FOXO1: variants seen among roughly 807,000 people sequenced by gnomAD.
FOXO1 encodes the protein forkhead box O1.
A neutral mutation model predicts 44.1 loss-of-function variants in FOXO1; 6 were observed. The ratio of observed to expected loss-of-function variants is 0.14; its 90% CI spans 0.07 to 0.27. The LOEUF is 0.27. Among genes scored for constraint, FOXO1 ranks in the 10% least tolerant of loss-of-function variants. The pLI, the probability that FOXO1 is intolerant of heterozygous loss-of-function variation, is 1.00. For synonymous variants in FOXO1, 380 were observed against 362.7 expected, an observed-to-expected ratio of 1.05 and a Z score of -0.54; for missense variants, 737 against 888.8, an observed-to-expected ratio of 0.83 and a Z score of 2.17.
intron 1 of FOXO1, among the ~76,000 whole-genome samples, chr13:40,623,255 A>C (rs1472646771): frequency 1.3e-5 from 2 of 152,184 alleles, no homozygotes; most frequent in Non-Finnish European, 2.9e-5. Context: ...AGGCTGCTCT[A>C]TGAACACAGG....
At chr13:40,629,516 T>C (rs1482808195) in intron 1 of FOXO1, among the ~76,000 whole-genome samples, 1 of 152,218 alleles carries the variant, frequency 6.6e-6, no homozygotes, top group Admixed American at 6.5e-5. Context: ...GACTATCCCT[T>C]ATCCAAAATG....
chr13:40,647,646 C>T (rs1877554309), intron 1 of FOXO1, among the ~76,000 whole-genome samples: 1 of 152,158 alleles, frequency 6.6e-6, no homozygotes, highest in Non-Finnish European at 1.5e-5. Flanking sequence ...CTCAAGTGAG[C>T]CACCAGCCTC....
intron 1 of FOXO1, among the ~76,000 whole-genome samples, chr13:40,589,153 G>A (rs1220810201): frequency 6.6e-6 from 1 of 152,074 alleles, no homozygotes; most frequent in South Asian, 2.1e-4. Context: ...GATGCCAACT[G>A]TCCATAAGAC....
chr13:40,577,289 A>G (rs767295646), intron 1 of FOXO1, among the ~76,000 whole-genome samples: 1 of 152,178 alleles, frequency 6.6e-6, no homozygotes, highest in African/African-American at 2.4e-5. Flanking sequence ...ATTCGATTAT[A>G]AACATTTTAT....
At chr13:40,623,188 C>G (rs919797875) in intron 1 of FOXO1, among the ~76,000 whole-genome samples, 4 of 151,854 alleles carry the variant, frequency 2.6e-5, no homozygotes, top group African/African-American at 9.7e-5. Context: ...AAAAATAACA[C>G]AGCCATTATA....
At chr13:40,582,480 T>C (rs1290251875) in intron 1 of FOXO1, among the ~76,000 whole-genome samples, 3 of 152,230 alleles carry the variant, frequency 2.0e-5, no homozygotes, top group African/African-American at 4.8e-5. Context: ...TGCTGTTTGA[T>C]AGCATTTTAC....
chr13:40,621,342 A>G (rs545817180), intron 1 of FOXO1: 31 of 533,288 alleles, frequency 5.8e-5, no homozygotes, highest in African/African-American at 5.5e-4. Flanking sequence ...CATAGCAAAC[A>G]ATGGGTAAAA....
At chr13:40,648,710 G>A (rs888595949) in intron 1 of FOXO1, among the ~76,000 whole-genome samples, 16 of 152,266 alleles carry the variant, frequency 1.1e-4, no homozygotes, top group Admixed American at 3.3e-4. Flanking sequence ...CCCAGGCATA[G>A]CCAAGCAGGA....
chr13:40,611,881 T>C (rs1361675724), intron 1 of FOXO1, among the ~76,000 whole-genome samples: 1 of 152,074 alleles, frequency 6.6e-6, no homozygotes, highest in Non-Finnish European at 1.5e-5. Flanking sequence ...AAAACTACCC[T>C]GGGCAACATG....
chr13:40,639,532 TA>T (rs1877279388), intron 1 of FOXO1, among the ~76,000 whole-genome samples: 1 of 152,156 alleles, frequency 6.6e-6, no homozygotes, highest in African/African-American at 2.4e-5. Flanking sequence ...AGGAAAAAAA[TA>T]AACTAATTTT....
rs140386357 is a variant in FOXO1, at chr13:40,560,022, C to G, written c.1469G>C (p.Arg490Pro). The change falls in exon 2 of 3, where the codon CGG (arginine) becomes CCG (proline). Residue 490 changes from arginine to proline, a missense_variant. By Grantham distance (103) the Arg-to-Pro change is moderately radical (BLOSUM62 -2). Coordinates refer to ENST00000379561, the MANE Select transcript of FOXO1 (RefSeq NM_002015.4). The surrounding 1 kb of genome is among the most constrained non-coding windows in gnomAD (Gnocchi z 5.1). ...VDPGVAQPNS[R>P]VLGQNVMMGP... The stretch of plus-strand genomic sequence containing the variant: ...CATCATGACGTTCTGGCCCAGAACC[C>G]GGCTGTTGGGCTGGGCTACCCCAGG... The G allele has an allele frequency of 6.2e-7, 1 of 1,613,924 alleles. No homozygotes were observed. Among genetic ancestry groups the G allele is most frequent in the Non-Finnish European group, 8.5e-7 (1 of 1,180,000 alleles).
chr13:40,630,182 C>T (rs1472364257), intron 1 of FOXO1, among the ~76,000 whole-genome samples: 1 of 152,010 alleles, frequency 6.6e-6, no homozygotes, highest in Non-Finnish European at 1.5e-5. Flanking sequence ...TCTAGGAATT[C>T]AAGTCCTGCT....
chr13:40,643,092 A>G (rs1877402689), intron 1 of FOXO1, among the ~76,000 whole-genome samples: 2 of 152,186 alleles, frequency 1.3e-5, no homozygotes, highest in Non-Finnish European at 2.9e-5. Flanking sequence ...CTATAATCCT[A>G]GCACTTTGGG....
chr13:40,572,244 C>T (rs1472411686), intron 1 of FOXO1, among the ~76,000 whole-genome samples: 2 of 152,106 alleles, frequency 1.3e-5, no homozygotes, highest in Non-Finnish European at 2.9e-5. Context: ...AATATGTTTG[C>T]TATCTGGAAA....
chr13:40,657,733 C>G (rs995264743), intron 1 of FOXO1, among the ~76,000 whole-genome samples: 1 of 152,224 alleles, frequency 6.6e-6, no homozygotes, highest in East Asian at 1.9e-4. Context: ...GTTACTTACA[C>G]ATTGCATCTA....
chr13:40,577,381 T>G (rs1026507851), intron 1 of FOXO1, among the ~76,000 whole-genome samples: 3 of 152,214 alleles, frequency 2.0e-5, no homozygotes, highest in Non-Finnish European at 4.4e-5. Context: ...AACTGCTTCC[T>G]TTCCTTCCTG....
At chr13:40,627,631 G>A (rs1404720857) in intron 1 of FOXO1, among the ~76,000 whole-genome samples, 4 of 152,036 alleles carry the variant, frequency 2.6e-5, no homozygotes, top group Non-Finnish European at 4.4e-5. Flanking sequence ...TCGGGAGTTC[G>A]AGACCAGCCT....
intron 1 of FOXO1, among the ~76,000 whole-genome samples, chr13:40,571,398 T>C (rs539236790): frequency 3.3e-5 from 5 of 152,262 alleles, no homozygotes; most frequent in Admixed American, 3.3e-4. Context: ...AAAAGAGATC[T>C]GTAGGCTACC....
chr13:40,621,467 T>C lies in FOXO1; in HGVS notation c.630+44116A>G, dbSNP rs144272372. The C allele has an allele frequency of 3.1e-3, 594 of 190,792 alleles. 7 individuals carry two copies. Among genetic ancestry groups the C allele is most frequent in the African/African-American group, 0.013 (555 of 42,342 alleles). The allele number at this position is 190,792 out of a possible 1,614,324, so 11.8% of individuals were successfully genotyped here. A position where few individuals can be genotyped will look rare whatever the true frequency, so the allele number is the denominator to read the frequency against. On this transcript the variant is annotated intron_variant, in intron 1 of 2. Coordinates refer to ENST00000379561, the MANE Select transcript of FOXO1 (RefSeq NM_002015.4). ...TGAAAAATAACAGATTATATATAGT[T>C]TGAACTATTTTTGCGTGCTTTTTAA...
Sources: allele counts gnomAD v4.1 joint callset (sites outside exome capture counted in the v4.1 genomes callset), GRCh38; gene constraint gnomAD v4.1.1; non-coding constraint Gnocchi (gnomAD v3.1); transcripts MANE v1.5; gene names NCBI Gene and HGNC (gene_info 2026-07-23, HGNC 2026-07-21).